Variants in ULK4 observed in about 807,000 individuals in gnomAD.
ULK4 encodes inactive serine/threonine-protein kinase ULK4.
ULK4 carries 133 observed loss-of-function variants against 160.6 expected under a neutral mutation model. That is an observed-to-expected ratio of 0.83 (90% confidence interval 0.72 to 0.96). ULK4 has a LOEUF of 0.96. ULK4 is among the 40% of genes least tolerant of loss of function. The probability of loss-of-function intolerance (pLI) is 0.00; values close to 1 mark genes in which losing one functional copy is unlikely to be tolerated. For synonymous variants in ULK4, 534 were observed against 539.8 expected (o/e 0.99, Z 0.15); for missense variants, 1,580 against 1,499.5 (o/e 1.05, Z -0.89).
chr3:41,417,287 T>C (rs1481187721), intron 34 of ULK4, among the ~76,000 whole-genome samples: 1 of 151,996 alleles, frequency 6.6e-6, no homozygotes, highest in East Asian at 1.9e-4. Context: ...GGGGGTCTAG[T>C]AAGGAGAGAT....
intron 30 of ULK4, among the ~76,000 whole-genome samples, chr3:41,646,579 C>T (rs1335249992): frequency 6.6e-6 from 1 of 152,232 alleles, no homozygotes; most frequent in Non-Finnish European, 1.5e-5. Flanking sequence ...GTCTGATGGG[C>T]TTCCCTTTGT....
intron 29 of ULK4, among the ~76,000 whole-genome samples, chr3:41,679,088 A>G (rs1223125271): frequency 6.6e-6 from 1 of 152,198 alleles, no homozygotes; most frequent in East Asian, 1.9e-4. Context: ...CTTACTATAT[A>G]TGCCAGGAAG....
intron 17 of ULK4, among the ~76,000 whole-genome samples, chr3:41,873,551 T>C (rs1184585266): frequency 6.6e-6 from 1 of 152,102 alleles, no homozygotes; most frequent in African/African-American, 2.4e-5. Flanking sequence ...TTGTTTTGTG[T>C]TTGTTTTGTT....
intron 35 of ULK4, among the ~76,000 whole-genome samples, chr3:41,326,948 T>C (rs1036304459): frequency 6.6e-6 from 1 of 152,218 alleles, no homozygotes; most frequent in Non-Finnish European, 1.5e-5. Flanking sequence ...GTAAGGGCTC[T>C]TGACTAAATG....
rs6783975 is a variant in ULK4 at position 41,369,218 on chromosome 3, C to T, written c.3678+28861G>A. 6.2e-3 allele frequency among the ~76,000 whole-genome samples: 950 copies of T among 152,302 alleles called. 7 individuals are homozygous for T. The highest frequency in any genetic ancestry group is 0.022 in the African/African-American group (914 of 41,568). On this transcript the variant is annotated intron_variant, in intron 35 of 36. Coordinates refer to ENST00000301831, the MANE Select transcript of ULK4 (RefSeq NM_017886.4). ...CCTTTTAAGAATATCATCTTAGAGGCCCTGCATGGTGGCCCCTGCCTGTAC... is the reference window on the plus strand; with the variant it reads ...CCTTTTAAGAATATCATCTTAGAGGTCCTGCATGGTGGCCCCTGCCTGTAC...
intron 34 of ULK4, among the ~76,000 whole-genome samples, chr3:41,422,464 T>C (rs2082683719): frequency 6.6e-6 from 1 of 152,188 alleles, no homozygotes; most frequent in Non-Finnish European, 1.5e-5. Flanking sequence ...AATGTTTAAG[T>C]TTGATATTTT....
intron 30 of ULK4, among the ~76,000 whole-genome samples, chr3:41,633,567 A>G (rs891282824): frequency 6.6e-6 from 1 of 152,214 alleles, no homozygotes; most frequent in Non-Finnish European, 1.5e-5. Context: ...TAAGTAAAGC[A>G]ATGTCATTAC....
chr3:41,479,025 G>T (rs1437420069), intron 32 of ULK4, among the ~76,000 whole-genome samples: 3 of 152,222 alleles, frequency 2.0e-5, no homozygotes, highest in African/African-American at 7.2e-5. Context: ...AAATCCTCTT[G>T]GGGTGGGGGT....
Position 41,558,621 on chromosome 3 carries a change from T to C in ULK4, c.3226+7404A>G, listed in dbSNP as rs948438537. ...CGGGAGGCTGAGGCAGCAGAATTGC[T>C]GGACCCTGGGAGGTGGAGATTGCAG... On this transcript the variant is annotated intron_variant, in intron 32 of 36. Transcript: ENST00000301831. Among the ~76,000 whole-genome samples, 3 of 151,334 alleles carry C rather than the reference T, an allele frequency of 2.0e-5. No homozygotes were observed. In the South Asian group the frequency reaches 6.3e-4, roughly 32 times the overall value.
chr3:41,801,480 G>A lies in ULK4; in HGVS notation c.1849-1187C>T, dbSNP rs375638713. ...GTCTCAGAAGCTCAATGAGCCCTACGCAGAAGAAACAAAGAAAAATGACAC... is the reference window on the plus strand; with the variant it reads ...GTCTCAGAAGCTCAATGAGCCCTACACAGAAGAAACAAAGAAAAATGACAC... On this transcript the variant is annotated intron_variant, in intron 19 of 36. Coordinates refer to ENST00000301831, the MANE Select transcript of ULK4 (RefSeq NM_017886.4). Among the ~76,000 whole-genome samples, 34 of 151,126 alleles carry A rather than the reference G, an allele frequency of 2.2e-4. 1 individual carries two copies. In the South Asian group the frequency reaches 5.8e-3, roughly 26 times the overall value.
At chr3:41,443,670 C>T (rs1428500308) in intron 34 of ULK4, among the ~76,000 whole-genome samples, 2 of 151,986 alleles carry the variant, frequency 1.3e-5, no homozygotes, top group Non-Finnish European at 2.9e-5. Flanking sequence ...ATATTAGAAC[C>T]ATGCAAAGAC....
At chr3:41,642,440 T>C (rs2034259063) in intron 30 of ULK4, among the ~76,000 whole-genome samples, 1 of 152,084 alleles carries the variant, frequency 6.6e-6, no homozygotes, top group African/African-American at 2.4e-5. Flanking sequence ...ACATGCAGTG[T>C]TTGGTTTTTT....
intron 4 of ULK4, among the ~76,000 whole-genome samples, chr3:41,932,814 C>T (rs1699642573): frequency 2.0e-5 from 3 of 152,146 alleles, no homozygotes; most frequent in Admixed American, 1.3e-4. Context: ...AAGGCTGAGG[C>T]AGGCAGATCA....
At chr3:41,812,909 G>A (rs1026630117) in intron 19 of ULK4, among the ~76,000 whole-genome samples, 1 of 152,102 alleles carries the variant, frequency 6.6e-6, no homozygotes, top group Non-Finnish European at 1.5e-5. Context: ...TCCATTTCTG[G>A]GGGACAGGTA....
chr3:41,485,451 G>T (rs937333), intron 32 of ULK4, among the ~76,000 whole-genome samples: 62,235 of 152,014 alleles, frequency 0.41, 12,910 homozygotes, highest in African/African-American at 0.43. Context: ...TAAGAAGGGA[G>T]AGAAAATTGT....
intron 30 of ULK4, among the ~76,000 whole-genome samples, chr3:41,651,894 C>T (rs533624538): frequency 5.8e-4 from 88 of 152,292 alleles, no homozygotes; most frequent in African/African-American, 2.0e-3. Flanking sequence ...TGACTCAAGC[C>T]TGGGCACCAT....
At chr3:41,563,764 C>CT (rs1209045785) in intron 32 of ULK4, among the ~76,000 whole-genome samples, 1 of 152,100 alleles carries the variant, frequency 6.6e-6, no homozygotes, top group Non-Finnish European at 1.5e-5. Flanking sequence ...TTCGTCTAAA[C>CT]TTTTTTCAAG....
chr3:41,801,591 T>C (rs1024781577), intron 19 of ULK4, among the ~76,000 whole-genome samples: 1 of 151,390 alleles, frequency 6.6e-6, no homozygotes, highest in African/African-American at 2.4e-5. Flanking sequence ...GTCCCATTCC[T>C]GTAATCCCAG....
chr3:41,871,968 C>G (rs1326903112), intron 17 of ULK4, among the ~76,000 whole-genome samples: 1 of 152,224 alleles, frequency 6.6e-6, no homozygotes, highest in East Asian at 1.9e-4. Flanking sequence ...AATAAAGACT[C>G]TGGATAACCT....
Sources: allele counts gnomAD v4.1 joint callset (sites outside exome capture counted in the v4.1 genomes callset), GRCh38; gene constraint gnomAD v4.1.1; transcripts MANE v1.5; gene names NCBI Gene and HGNC (gene_info 2026-07-23, HGNC 2026-07-21).